Variants in CDH7 observed in about 807,000 individuals in gnomAD.
The protein encoded by CDH7 is cadherin-7.
In CDH7, 25 loss-of-function variants were observed where a neutral mutation model predicts 71.8. The ratio of observed to expected loss-of-function variants is 0.35; its 90% CI spans 0.25 to 0.49. The LOEUF (loss-of-function observed/expected upper bound fraction) is 0.49. Among genes scored for constraint, CDH7 ranks in the 20% least tolerant of loss-of-function variants. CDH7 has a pLI of 0.99. For synonymous variants in CDH7, 381 were observed against 363.8 expected, an observed-to-expected ratio of 1.05 and a Z score of -0.54; for missense variants, 862 against 974.6, an observed-to-expected ratio of 0.88 and a Z score of 1.54.
chr18:65,818,389 C>T (rs150389518), intron 4 of CDH7, among the ~76,000 whole-genome samples: 313 of 152,230 alleles, frequency 2.1e-3, no homozygotes, highest in African/African-American at 6.3e-3. Flanking sequence ...AATAAGTTTA[C>T]AAAAGTGATC....
intron 3 of CDH7, 142 bp downstream of exon 3, chr18:65,810,140 C>A: frequency 1.6e-6 from 1 of 640,818 alleles, no homozygotes; most frequent in Non-Finnish European, 2.7e-6. Flanking sequence ...GTGAGGGGAA[C>A]ATTTGAGACA....
rs1278017873 is a variant in CDH7, at chr18:65,889,134, T to C, written c.*8240T>C. 1 of 152,176 alleles carries C rather than the reference T, an allele frequency of 6.6e-6. No homozygotes were observed. Among genetic ancestry groups the C allele is most frequent in the East Asian group, 1.9e-4 (1 of 5,190 alleles). The allele number at this position is 152,176 out of a possible 1,614,324, so 9.4% of individuals were successfully genotyped here. A position where few individuals can be genotyped will look rare whatever the true frequency, so the allele number is the denominator to read the frequency against. On this transcript the variant is annotated 3_prime_UTR_variant, in exon 12 of 12. Coordinates refer to ENST00000397968, the MANE Select transcript of CDH7 (RefSeq NM_004361.5). ...CTGAGGTGGGACATTGTTGTGAGAA[T>C]GGACGAGAGCACAAAAACACGGCAG...
At position 65,888,227 on chromosome 18, in the gene CDH7, G is replaced by A. The variant is rs868176109; in HGVS notation, c.*7333G>A. The A allele has an allele frequency of 4.4e-4, 67 of 152,284 alleles. No homozygotes were observed. The highest frequency in any genetic ancestry group is 1.4e-3 in the African/African-American group (58 of 41,566). The allele number at this position is 152,284 out of a possible 1,614,324, so 9.4% of individuals were successfully genotyped here. A position where few individuals can be genotyped will look rare whatever the true frequency, so the allele number is the denominator to read the frequency against. On this transcript the variant is annotated 3_prime_UTR_variant, in exon 12 of 12. Transcript: ENST00000397968. ...CTGTTTCAGAACTAACCAGCGAAGA[G>A]ATGTATACAAAGTGTACTCTGAATT...
At chr18:65,815,908 T>C (rs1353813991) in intron 4 of CDH7, among the ~76,000 whole-genome samples, 3 of 152,262 alleles carry the variant, frequency 2.0e-5, no homozygotes, top group Admixed American at 6.5e-5. Flanking sequence ...TTTCTGACAA[T>C]ATGCTCACAA....
At chr18:65,859,427 T>G (rs1913480527) in intron 9 of CDH7, among the ~76,000 whole-genome samples, 1 of 152,218 alleles carries the variant, frequency 6.6e-6, no homozygotes, top group Non-Finnish European at 1.5e-5. Context: ...GTTCATCTAT[T>G]GTTCAGTGTC....
rs1568182342 is a variant in CDH7, at chr18:65,782,065, T to TTC, written c.210+19013_210+19014insTC. On this transcript the variant is annotated intron_variant, in intron 2 of 11. Transcript: ENST00000397968. ...TCCTTCCTTCCTTCCTTCCTTCCTT[T>TTC]CTTTCTTTCTTTCTTTCCTTCCTTC... Among the ~76,000 whole-genome samples, 306 of 42,360 alleles carry TTC rather than the reference T, an allele frequency of 7.2e-3. 45 individuals are homozygous for TTC. Among genetic ancestry groups the TTC allele is most frequent in the African/African-American group, 8.1e-3 (27 of 3,342 alleles). 27.8% of individuals were successfully genotyped at this position (42,360 alleles called of 152,430 possible). A position where few individuals can be genotyped will look rare whatever the true frequency, so the allele number is the denominator to read the frequency against.
At chr18:65,804,851 G>A (rs12968741) in intron 2 of CDH7, among the ~76,000 whole-genome samples, 90,470 of 151,932 alleles carry the variant, frequency 0.6, 28,873 homozygotes, top group East Asian at 0.97. Context: ...AAGTGTGAAA[G>A]TACAAAATCA....
intron 2 of CDH7, among the ~76,000 whole-genome samples, chr18:65,801,392 A>T (rs1266762374): frequency 6.6e-6 from 1 of 152,212 alleles, no homozygotes; most frequent in Non-Finnish European, 1.5e-5. Flanking sequence ...AATAACAGCT[A>T]AAGGGACACT....
chr18:65,763,502 G>C (rs1942820), intron 2 of CDH7, among the ~76,000 whole-genome samples: 5 of 151,900 alleles, frequency 3.3e-5, no homozygotes, highest in Non-Finnish European at 5.9e-5. Context: ...ACTTGCAGTG[G>C]AAAAACTGCA....
intron 2 of CDH7, among the ~76,000 whole-genome samples, chr18:65,795,164 C>G (rs1314193239): frequency 6.6e-6 from 1 of 152,082 alleles, no homozygotes; most frequent in Non-Finnish European, 1.5e-5. Flanking sequence ...TCCCATTTCA[C>G]ATAGTACTGA....
intron 2 of CDH7, among the ~76,000 whole-genome samples, chr18:65,798,339 T>G (rs1332345313): frequency 6.6e-6 from 1 of 152,238 alleles, no homozygotes; most frequent in African/African-American, 2.4e-5. Flanking sequence ...GGCTTCTTCT[T>G]CTGATCAGCA....
chr18:65,862,946 A>C (rs1913629947), intron 11 of CDH7, 29 bp downstream of exon 11: 1 of 1,606,528 alleles, frequency 6.2e-7, no homozygotes, highest in Admixed American at 1.7e-5. Flanking sequence ...GCTTGCTCTG[A>C]AAGAGCTGTC....
chr18:65,826,488 T>C (rs1221423624), intron 6 of CDH7, among the ~76,000 whole-genome samples: 1 of 151,350 alleles, frequency 6.6e-6, no homozygotes, highest in African/African-American at 2.4e-5. Flanking sequence ...GGAGATGTTG[T>C]TTTTGCAAAT....
chr18:65,861,577 T>G (rs1913567665), intron 10 of CDH7, among the ~76,000 whole-genome samples: 1 of 152,142 alleles, frequency 6.6e-6, no homozygotes, highest in African/African-American at 2.4e-5. Flanking sequence ...CATTCTAAAA[T>G]AAAAGATTTT....
chr18:65,823,635 G>T (rs1912018705), intron 5 of CDH7, among the ~76,000 whole-genome samples: 1 of 151,900 alleles, frequency 6.6e-6, no homozygotes, highest in African/African-American at 2.4e-5. Context: ...AATAGCATAT[G>T]TTATAATCAT....
At chr18:65,795,265 A>G (rs568920855) in intron 2 of CDH7, among the ~76,000 whole-genome samples, 2 of 152,198 alleles carry the variant, frequency 1.3e-5, no homozygotes, top group Non-Finnish European at 2.9e-5. Flanking sequence ...TAAAATTATA[A>G]GCAATGTAAA....
Position 65,887,884 on chromosome 18 carries a change from C to T in CDH7, c.*6990C>T, listed in dbSNP as rs1914412411. ...ACACACAGCATTACTTTCAATGAAACTATAATTTTTATGTTTATGAGATTC... is the reference window on the plus strand; with the variant it reads ...ACACACAGCATTACTTTCAATGAAATTATAATTTTTATGTTTATGAGATTC... On this transcript the variant is annotated 3_prime_UTR_variant, in exon 12 of 12. Coordinates refer to ENST00000397968, the MANE Select transcript of CDH7 (RefSeq NM_004361.5). 6.6e-6 allele frequency: 1 copy of T among 151,994 alleles called. No individual in the cohort carries two copies. The allele number at this position is 151,994 out of a possible 1,614,324, so 9.4% of individuals were successfully genotyped here.
intron 6 of CDH7, among the ~76,000 whole-genome samples, chr18:65,825,368 A>G (rs1912089745): frequency 6.6e-6 from 1 of 151,930 alleles, no homozygotes; most frequent in Non-Finnish European, 1.5e-5. Context: ...CATACTTTCT[A>G]CAGAGCGAGT....
chr18:65,809,232 A>G (rs2143904569), intron 2 of CDH7, among the ~76,000 whole-genome samples: 1 of 152,238 alleles, frequency 6.6e-6, no homozygotes, highest in Non-Finnish European at 1.5e-5. Context: ...CAGGGCAGGG[A>G]GGAGGGAGAG....
Sources: allele counts gnomAD v4.1 joint callset (sites outside exome capture counted in the v4.1 genomes callset), GRCh38; gene constraint gnomAD v4.1.1; transcripts MANE v1.5; gene names NCBI Gene and HGNC (gene_info 2026-07-23, HGNC 2026-07-21).